The following MYO1D variants were observed in gnomAD, a reference collection of about 807,000 sequenced individuals.
MYO1D encodes the protein myosin ID.
In MYO1D, 83 loss-of-function variants were observed where a neutral mutation model predicts 122.0. The ratio of observed to expected loss-of-function variants is 0.68; its 90% CI spans 0.57 to 0.82. The LOEUF is 0.82. Ranked by LOEUF, MYO1D falls within the 40% of genes least tolerant of loss-of-function variation. The pLI, the probability that MYO1D is intolerant of heterozygous loss-of-function variation, is 0.00. For missense variants in MYO1D, 1,157 were observed against 1,269.5 expected (o/e 0.91, Z 1.35); for synonymous variants, 464 against 446.9 (o/e 1.04, Z -0.48).
At chr17:32,661,622 TC>T (rs757531008) in intron 16 of MYO1D, among the ~76,000 whole-genome samples, 1 of 151,146 alleles carries the variant, frequency 6.6e-6, no homozygotes, top group Non-Finnish European at 1.5e-5. Flanking sequence ...ACCACTGTAC[TC>T]CAGCCTGGGC....
intron 1 of MYO1D, among the ~76,000 whole-genome samples, chr17:32,864,865 T>G (rs1488344393): frequency 2.0e-5 from 3 of 152,200 alleles, no homozygotes; most frequent in Non-Finnish European, 2.9e-5. Flanking sequence ...GATAAGACTT[T>G]GTCTTGCCCT....
chr17:32,661,886 T>C (rs995705338), intron 16 of MYO1D, among the ~76,000 whole-genome samples: 1 of 152,240 alleles, frequency 6.6e-6, no homozygotes, highest in African/African-American at 2.4e-5. Context: ...CATTGTGTTA[T>C]ATATTACACA....
rs537216371 is a variant in MYO1D, at chr17:32,628,723, T to TA, written c.2709+9998dup. Among the ~76,000 whole-genome samples, 53 of 151,210 alleles carry TA rather than the reference T, an allele frequency of 3.5e-4. 2 individuals carry two copies. In the South Asian group the frequency reaches 8.8e-3, roughly 25 times the overall value. ...TACATACCTATTAGAATGGCCAAAA[T>TA]AAAAAAAAGACACTATCAAATACTG... On this transcript the variant is annotated intron_variant, in intron 20 of 21. Coordinates refer to ENST00000318217, the MANE Select transcript of MYO1D (RefSeq NM_015194.3).
At chr17:32,870,094 G>A (rs1035864021) in intron 1 of MYO1D, among the ~76,000 whole-genome samples, 1 of 152,048 alleles carries the variant, frequency 6.6e-6, no homozygotes, top group Non-Finnish European at 1.5e-5. Flanking sequence ...AAATAGTCTC[G>A]GAAATCTGTC....
At chr17:32,846,460 T>C (rs1439233397) in intron 1 of MYO1D, among the ~76,000 whole-genome samples, 2 of 152,190 alleles carry the variant, frequency 1.3e-5, no homozygotes, top group African/African-American at 2.4e-5. Context: ...TACAGGTGAG[T>C]ATCTAGGTAC....
chr17:32,794,156 A>T (rs2090389055), intron 1 of MYO1D: 1 of 152,206 alleles, frequency 6.6e-6, no homozygotes, highest in East Asian at 1.9e-4. Context: ...GGGACCCTCT[A>T]AGGCCAAATG....
chr17:32,686,251 A>G (rs2089004850), intron 16 of MYO1D: 1 of 152,244 alleles, frequency 6.6e-6, no homozygotes. Flanking sequence ...CTTGTAAAAC[A>G]GAGGCAGTGG....
chr17:32,515,581 T>G (rs985041228), intron 21 of MYO1D, among the ~76,000 whole-genome samples: 1 of 152,212 alleles, frequency 6.6e-6, no homozygotes, highest in Non-Finnish European at 1.5e-5. Flanking sequence ...TGTGAGCCAC[T>G]GTGCCCAGCC....
chr17:32,618,843 C>T (rs561198487), intron 20 of MYO1D, among the ~76,000 whole-genome samples: 1 of 152,182 alleles, frequency 6.6e-6, no homozygotes, highest in Admixed American at 6.5e-5. Flanking sequence ...CCATGTTGGC[C>T]AGGCTGGTCT....
At chr17:32,544,782 C>T (rs2086950971) in intron 21 of MYO1D, among the ~76,000 whole-genome samples, 1 of 152,186 alleles carries the variant, frequency 6.6e-6, no homozygotes, top group Admixed American at 6.5e-5. Flanking sequence ...AAATGATCAA[C>T]ACTTGTTCAT....
At chr17:32,856,261 C>T (rs1252934947) in intron 1 of MYO1D, among the ~76,000 whole-genome samples, 1 of 152,182 alleles carries the variant, frequency 6.6e-6, no homozygotes, top group African/African-American at 2.4e-5. Flanking sequence ...CTCCAGATTC[C>T]AGCGCTTCAC....
At chr17:32,527,108 G>A (rs946591088) in intron 21 of MYO1D, among the ~76,000 whole-genome samples, 3 of 152,150 alleles carry the variant, frequency 2.0e-5, no homozygotes, top group Non-Finnish European at 4.4e-5. Flanking sequence ...GTCTTTCCCC[G>A]GCCCGCCATC....
At chr17:32,499,004 C>A (rs923906334) in intron 21 of MYO1D, 4 of 152,050 alleles carry the variant, frequency 2.6e-5, no homozygotes, top group African/African-American at 7.3e-5. Flanking sequence ...GAGTTTGAGA[C>A]CAGCCTGACC....
rs199632316 is a variant in MYO1D at position 32,745,219 on chromosome 17, C to T, written c.1605G>A (p.Met535Ile). 91 of 1,506,020 alleles carry T rather than the reference C, an allele frequency of 6.0e-5. No homozygotes were observed. The East Asian group carries it at 1.9e-3, about 32-fold the overall frequency. The allele number at this position is 1,506,020 out of a possible 1,614,324, so 93.3% of individuals were successfully genotyped here. A position where few individuals can be genotyped will look rare whatever the true frequency, so the allele number is the denominator to read the frequency against. Reference protein sequence around the residue: ...DTLFQDFKRLMYNSSNPVLKN... With the variant: ...DTLFQDFKRLIYNSSNPVLKN... ...TAAAATTTCAATCTTACCTGTTATA[C>T]ATAAGGCGCTTGAAATCTTGAAATA... The change falls in exon 13 of 22, where the codon ATG (methionine) becomes ATA (isoleucine). Residue 535 changes from methionine (M) to isoleucine (I), a missense_variant. By Grantham distance (10) the Met-to-Ile change is conservative. Transcript: ENST00000318217.
chr17:32,513,545 GCT>G (rs1436247122), intron 21 of MYO1D, among the ~76,000 whole-genome samples: 3 of 152,176 alleles, frequency 2.0e-5, no homozygotes, highest in African/African-American at 7.2e-5. Context: ...AGGGCTCAGT[GCT>G]CTCTCTCCCT....
intron 1 of MYO1D, 35 bp from the exon 2 acceptor site, chr17:32,780,819 G>C: frequency 1.3e-6 from 2 of 1,593,238 alleles, no homozygotes; most frequent in South Asian, 1.1e-5. Context: ...AGACGTAGCT[G>C]TGGTTACAGA....
chr17:32,575,413 T>C (rs1323553884), intron 21 of MYO1D, among the ~76,000 whole-genome samples: 2 of 152,240 alleles, frequency 1.3e-5, no homozygotes, highest in African/African-American at 4.8e-5. Context: ...AAGAGTAAAA[T>C]TGAAATTAGT....
At chr17:32,740,253 G>T (rs2089757519) in intron 13 of MYO1D, among the ~76,000 whole-genome samples, 1 of 152,130 alleles carries the variant, frequency 6.6e-6, no homozygotes, top group Non-Finnish European at 1.5e-5. Flanking sequence ...AAAAGACTGT[G>T]TCTTTTAGTC....
chr17:32,785,103 G>A (rs375855290), intron 1 of MYO1D, among the ~76,000 whole-genome samples: 3 of 152,112 alleles, frequency 2.0e-5, no homozygotes, highest in Non-Finnish European at 4.4e-5. Flanking sequence ...GTTGTTTCAC[G>A]GGGAAACTGG....
Sources: gnomAD v4.1 joint callset for allele counts (sites outside exome capture counted in the v4.1 genomes callset) on GRCh38, gnomAD v4.1.1 for gene constraint, MANE v1.5 for transcripts, NCBI Gene and HGNC (gene_info 2026-07-23, HGNC 2026-07-21) for gene names.